The following PHLPP1 variants were observed in gnomAD, a reference collection of about 807,000 sequenced individuals.
PHLPP1 encodes the protein PH domain and leucine rich repeat protein phosphatase 1, also known as PH domain leucine-rich repeat-containing protein phosphatase 1.
Under a neutral mutation model 117.2 loss-of-function variants are expected in PHLPP1, and 42 were observed. The observed-to-expected ratio is 0.36, with a 90% CI of 0.28 to 0.46. The LOEUF (loss-of-function observed/expected upper bound fraction) is 0.46. Among genes scored for constraint, PHLPP1 ranks in the 20% least tolerant of loss-of-function variants. PHLPP1 has a pLI of 1.00. For missense variants in PHLPP1, 2,084 were observed against 2,241.9 expected (o/e 0.93, Z 1.42); for synonymous variants, 1,042 against 970.7 (o/e 1.07, Z -1.37).
chr18:62,830,882 G>A (rs977674255), intron 2 of PHLPP1, among the ~76,000 whole-genome samples: 6 of 152,012 alleles, frequency 3.9e-5, no homozygotes, highest in Non-Finnish European at 5.9e-5. Context: ...CCTTAATTTC[G>A]TGAATTTAGA....
chr18:62,805,378 T>C (rs1913919767), intron 1 of PHLPP1, among the ~76,000 whole-genome samples: 1 of 151,856 alleles, frequency 6.6e-6, no homozygotes. Flanking sequence ...AGGTTATACA[T>C]ATACAGTATA....
chr18:62,881,859 G>T (rs1382882367), intron 4 of PHLPP1, among the ~76,000 whole-genome samples: 1 of 152,182 alleles, frequency 6.6e-6, no homozygotes, highest in Non-Finnish European at 1.5e-5. Flanking sequence ...GGAGTTTGGG[G>T]GTGTGGACAA....
At chr18:62,751,001 A>C (rs915994308) in intron 1 of PHLPP1, among the ~76,000 whole-genome samples, 4 of 152,204 alleles carry the variant, frequency 2.6e-5, no homozygotes, top group African/African-American at 9.6e-5. Flanking sequence ...TCAGGTGCCC[A>C]AAGTCCCAAA....
intron 3 of PHLPP1, among the ~76,000 whole-genome samples, chr18:62,840,931 C>G (rs908598050): frequency 1.3e-5 from 2 of 152,234 alleles, no homozygotes; most frequent in Admixed American, 6.5e-5. Context: ...GCTGTGTCAT[C>G]CAGGCTGGAG....
chr18:62,969,326 A>G (rs1910988056), intron 14 of PHLPP1, among the ~76,000 whole-genome samples: 1 of 152,222 alleles, frequency 6.6e-6, no homozygotes, highest in Admixed American at 6.5e-5. Flanking sequence ...TCTGTAATAT[A>G]AGCATTTAGA....
In PHLPP1 at chr18:62,716,311, C is replaced by T. The variant is rs1189219428; in HGVS notation, c.628C>T (p.His210Tyr). The part of the protein sequence containing the change: ...QRGCVHVFDR[H>Y]MASTYLRPVL... The stretch of plus-strand genomic sequence containing the variant: ...CGGCTGCGTGCACGTCTTCGACCGC[C>T]ACATGGCCTCGACCTACCTGCGCCC... The change falls in exon 1 of 17, where the codon CAC becomes TAC. Residue 210 changes from histidine (H) to tyrosine (Y), a missense_variant. By Grantham distance (83) the His-to-Tyr change is moderately conservative. Transcript: ENST00000262719. The surrounding 1 kb of genome is among the most constrained non-coding windows in gnomAD (Gnocchi z 5.7). 2.6e-6 allele frequency: 4 copies of T among 1,531,176 alleles called. No homozygotes were observed. The African/African-American group carries it at 5.5e-5, about 21-fold the overall frequency. The allele number at this position is 1,531,176 out of a possible 1,614,324, so 94.8% of individuals were successfully genotyped here.
At chr18:62,885,867 C>A (rs771955901) in intron 4 of PHLPP1, among the ~76,000 whole-genome samples, 1 of 152,092 alleles carries the variant, frequency 6.6e-6, no homozygotes, top group African/African-American at 2.4e-5. Flanking sequence ...CAAGTGTAGA[C>A]AGTGATACAT....
intron 1 of PHLPP1, among the ~76,000 whole-genome samples, chr18:62,796,134 A>C (rs577127203): frequency 7.2e-5 from 11 of 152,252 alleles, no homozygotes; most frequent in Non-Finnish European, 1.3e-4. Flanking sequence ...CAAATCTGAA[A>C]TTTGTTAGTG....
At position 62,967,401 on chromosome 18, in the gene PHLPP1, A is replaced by G. The variant is rs557922168; in HGVS notation, c.3560+3929A>G. Among the ~76,000 whole-genome samples, 53 of 152,342 alleles carry G rather than the reference A, an allele frequency of 3.5e-4. 1 individual carries two copies. In the South Asian group the frequency reaches 0.011, roughly 31 times the overall value. ...GTTCCAGTAGCTACACATCCTTACCAGCAGGTGTTATTGTCAGGTTGTTGT... is the reference window on the plus strand; with the variant it reads ...GTTCCAGTAGCTACACATCCTTACCGGCAGGTGTTATTGTCAGGTTGTTGT... On this transcript the variant is annotated intron_variant, in intron 14 of 16. Transcript: ENST00000262719.
chr18:62,810,454 A>G (rs1318610687), intron 1 of PHLPP1, among the ~76,000 whole-genome samples: 1 of 152,172 alleles, frequency 6.6e-6, no homozygotes, highest in Non-Finnish European at 1.5e-5. Context: ...AACTGGGGAT[A>G]GTACTGAACC....
intron 1 of PHLPP1, among the ~76,000 whole-genome samples, chr18:62,745,082 A>G (rs1381648058): frequency 6.6e-6 from 1 of 152,232 alleles, no homozygotes; most frequent in Non-Finnish European, 1.5e-5. Context: ...AAAAACAATA[A>G]TAATTTTAAT....
Position 62,759,621 on chromosome 18 carries a change from C to T in PHLPP1, c.1576+42362C>T, listed in dbSNP as rs562834883. Among the ~76,000 whole-genome samples, 9 of 152,298 alleles carry T rather than the reference C, an allele frequency of 5.9e-5. No individual in the cohort carries two copies. In the East Asian group the frequency reaches 1.7e-3, roughly 29 times the overall value. On this transcript the variant is annotated intron_variant, in intron 1 of 16. Coordinates refer to ENST00000262719, the MANE Select transcript of PHLPP1 (RefSeq NM_194449.4). Reference sequence around the variant, plus strand: ...CACTGATATGCTTACTTTCCCTTGGCTATGCTTTGATGGCTAAAATTAAGG... The same window carrying T: ...CACTGATATGCTTACTTTCCCTTGGTTATGCTTTGATGGCTAAAATTAAGG...
intron 1 of PHLPP1, among the ~76,000 whole-genome samples, chr18:62,759,114 A>G (rs1019058226): frequency 9.9e-5 from 15 of 152,206 alleles, no homozygotes; most frequent in African/African-American, 3.4e-4. Context: ...AATTACATAA[A>G]TATGACAGAG....
chr18:62,873,271 T>G (rs1568145673), intron 4 of PHLPP1, among the ~76,000 whole-genome samples: 1 of 152,216 alleles, frequency 6.6e-6, no homozygotes, highest in Non-Finnish European at 1.5e-5. Context: ...TTGGAAAGTT[T>G]GTCACTTAAG....
At chr18:62,717,312 G>A in intron 1 of PHLPP1, 53 bp downstream of exon 1, 1 of 1,519,656 alleles carries the variant, frequency 6.6e-7, no homozygotes, top group Non-Finnish European at 8.8e-7. Context: ...CGAGGACCGA[G>A]GAGTGATTCA....
chr18:62,975,443 T>A lies in PHLPP1; in HGVS notation c.3802T>A (p.Cys1268Ser). 1 of 1,613,940 alleles carries A rather than the reference T, an allele frequency of 6.2e-7. No individual in the cohort carries two copies. The highest frequency in any genetic ancestry group is 8.5e-7 in the Non-Finnish European group (1 of 1,179,870). The change falls in exon 16 of 17, where the codon TGT (cysteine) becomes AGT (serine). Residue 1268 changes from cysteine to serine, a missense_variant. Cys to Ser is a moderately radical substitution (Grantham distance 112, BLOSUM62 -1). Around this residue, in one of 2 missense-constraint regions of PHLPP1, gnomAD observed 1,365 missense variants for 1,605.9 expected, o/e 0.85. Transcript: ENST00000262719. ...GAAGCTTGGTGGTGCCGCTGTCCTT[T>A]GTCATATCAAGCATGACCCTGTGGA... Reference protein sequence around the residue: ...GQKLGGAAVLCHIKHDPVDPG... With the variant: ...GQKLGGAAVLSHIKHDPVDPG...
At chr18:62,818,305 T>C (rs1184671704) in intron 1 of PHLPP1, among the ~76,000 whole-genome samples, 1 of 152,042 alleles carries the variant, frequency 6.6e-6, no homozygotes, top group African/African-American at 2.4e-5. Context: ...CCAAGGCAGG[T>C]GGATCACCTG....
At chr18:62,876,768 T>C (rs2051709703) in intron 4 of PHLPP1, among the ~76,000 whole-genome samples, 1 of 152,220 alleles carries the variant, frequency 6.6e-6, no homozygotes, top group South Asian at 2.1e-4. Flanking sequence ...TTCAAGGAAC[T>C]CAGGCTTGTG....
rs555334612 is a variant in PHLPP1 at position 62,964,512 on chromosome 18, T to G, written c.3560+1040T>G. On this transcript the variant is annotated intron_variant, in intron 14 of 16. Transcript: ENST00000262719. ...ATCTGACACATTGATCTTTTCCCCT[T>G]TCCCTAAGGTGTCATTTGGCCTTGT... Among the ~76,000 whole-genome samples the G allele has an allele frequency of 2.6e-4, 39 of 152,338 alleles. 1 individual carries two copies. The South Asian group carries it at 7.7e-3, about 30-fold the overall frequency.
Sources: allele counts gnomAD v4.1 joint callset (sites outside exome capture counted in the v4.1 genomes callset), GRCh38; gene constraint gnomAD v4.1.1; regional missense constraint gnomAD v4.1.1; non-coding constraint Gnocchi (gnomAD v3.1); transcripts MANE v1.5; gene names NCBI Gene and HGNC (gene_info 2026-07-23, HGNC 2026-07-21).